CLNK: variants seen among roughly 807,000 people sequenced by gnomAD.
CLNK encodes cytokine-dependent hematopoietic cell linker.
CLNK carries 74 observed loss-of-function variants against 68.6 expected under a neutral mutation model. That is an observed-to-expected ratio of 1.08 (90% CI 0.89 to 1.31). CLNK has a LOEUF of 1.31. Ranked by LOEUF, CLNK falls within the 50% of genes most tolerant of loss-of-function variation. The probability of loss-of-function intolerance (pLI) is 0.00; values close to 1 mark genes in which losing one functional copy is unlikely to be tolerated. For synonymous variants in CLNK, 198 were observed against 172.2 expected (o/e 1.15, Z -1.17); for missense variants, 553 against 515.3 (o/e 1.07, Z -0.71).
rs547775472 is a variant in CLNK at position 10,669,008 on chromosome 4, C to A, written c.-42-1097G>T. Among the ~76,000 whole-genome samples the A allele has an allele frequency of 6.6e-5, 10 of 152,218 alleles. No individual in the cohort carries two copies. The East Asian group carries it at 1.9e-3, about 29-fold the overall frequency. On this transcript the variant is annotated intron_variant, in intron 1 of 18. Transcript: ENST00000226951. ...ACCCAGGAAGATTTAATTATGTGAC[C>A]GAGAACACCCATCCCGCAATAAGAG... is the stretch of plus-strand genomic sequence containing the variant.
chr4:10,668,209 G>C (rs1724483647), intron 1 of CLNK, among the ~76,000 whole-genome samples: 1 of 152,144 alleles, frequency 6.6e-6, no homozygotes, highest in Non-Finnish European at 1.5e-5. Context: ...TGCTTCCCCT[G>C]GGCACCGAGG....
At chr4:10,690,450 T>A in the CLNK span, among the ~76,000 whole-genome samples, 1 of 152,126 alleles carries the variant, frequency 6.6e-6, no homozygotes, top group Non-Finnish European at 1.5e-5. Flanking sequence ...GGTATGTGAA[T>A]GTAGAAAGAG....
At chr4:10,545,428 G>T (rs775364752) in intron 8 of CLNK, among the ~76,000 whole-genome samples, 78 of 152,248 alleles carry the variant, frequency 5.1e-4, no homozygotes, top group African/African-American at 1.4e-3. Context: ...CTGGCATTCT[G>T]TGCACACTGG....
At chr4:10,573,910 A>G (rs1033086441) in intron 4 of CLNK, among the ~76,000 whole-genome samples, 2 of 151,932 alleles carry the variant, frequency 1.3e-5, no homozygotes, top group African/African-American at 4.8e-5. Flanking sequence ...ATCCTTTCAG[A>G]TCCCATTTCT....
rs138052789 is a variant in CLNK, at chr4:10,521,710, A to G, written c.732-879T>C. On this transcript the variant is annotated intron_variant, in intron 14 of 18. Coordinates refer to ENST00000226951, the MANE Select transcript of CLNK (RefSeq NM_052964.4). ...AAGCAGTTCATCCAGCCACCATACT[A>G]TGCTGTCACCGCCAGTCAGACTGCT... 3.3e-3 allele frequency among the ~76,000 whole-genome samples: 503 copies of G among 152,306 alleles called. 3 individuals carry two copies. Among genetic ancestry groups the G allele is most frequent in the African/African-American group, 0.011 (455 of 41,574 alleles).
intron 10 of CLNK, 22 bp downstream of exon 10, chr4:10,542,000 A>AG (rs1719051227): frequency 6.5e-7 from 1 of 1,538,288 alleles, no homozygotes; most frequent in African/African-American, 1.4e-5. Context: ...GCGAAAAAAA[A>AG]TGCTATTTTA....
At chr4:10,666,994 G>A (rs1013113160) in intron 2 of CLNK, among the ~76,000 whole-genome samples, 3 of 152,180 alleles carry the variant, frequency 2.0e-5, no homozygotes, top group African/African-American at 4.8e-5. Flanking sequence ...CTAGCCTCCC[G>A]CTAGGATCAG....
chr4:10,562,415 T>C (rs1379949144), intron 7 of CLNK, among the ~76,000 whole-genome samples: 1 of 152,174 alleles, frequency 6.6e-6, no homozygotes, highest in East Asian at 1.9e-4. Context: ...TTGTTTTTGT[T>C]TTTGTTTTTC....
chr4:10,592,698 T>C (rs138868400), intron 3 of CLNK, among the ~76,000 whole-genome samples: 318 of 151,908 alleles, frequency 2.1e-3, no homozygotes, highest in South Asian at 6.3e-3. Context: ...ACTTGTTGTT[T>C]GTTTGTTTGT....
chr4:10,523,672 G>A (rs112442481), intron 14 of CLNK, among the ~76,000 whole-genome samples: 16 of 152,270 alleles, frequency 1.1e-4, no homozygotes, highest in African/African-American at 3.1e-4. Context: ...GCCAACTGGA[G>A]AGCTTGTTAT....
At chr4:10,624,966 A>G (rs1286984271) in intron 2 of CLNK, among the ~76,000 whole-genome samples, 1 of 152,218 alleles carries the variant, frequency 6.6e-6, no homozygotes, top group Non-Finnish European at 1.5e-5. Flanking sequence ...TTTCAGAGAC[A>G]AGAGTCTGGG....
chr4:10,596,667 T>C (rs1433611981), intron 3 of CLNK, among the ~76,000 whole-genome samples: 1 of 147,638 alleles, frequency 6.8e-6, no homozygotes, highest in Non-Finnish European at 1.5e-5. Flanking sequence ...GAGATTTGTA[T>C]GTCTATGTTT....
chr4:10,688,067 G>A (rs1725332421), upstream of CLNK, among the ~76,000 whole-genome samples: 1 of 152,182 alleles, frequency 6.6e-6, no homozygotes, highest in Admixed American at 6.5e-5. Flanking sequence ...ACTCAGAGGA[G>A]TGGCTATTAG....
At chr4:10,601,819 T>C (rs1477402461) in intron 2 of CLNK, among the ~76,000 whole-genome samples, 1 of 152,198 alleles carries the variant, frequency 6.6e-6, no homozygotes, top group East Asian at 1.9e-4. Flanking sequence ...AAAAGCTTTT[T>C]AAACTGCTGC....
intron 14 of CLNK, among the ~76,000 whole-genome samples, chr4:10,525,590 C>A (rs1421185687): frequency 1.3e-5 from 2 of 152,238 alleles, no homozygotes; most frequent in South Asian, 2.1e-4. Flanking sequence ...TTAATCCTAT[C>A]TGGTTAATAT....
chr4:10,520,329 C>T (rs1577102947), intron 15 of CLNK, among the ~76,000 whole-genome samples: 1 of 152,126 alleles, frequency 6.6e-6, no homozygotes, highest in African/African-American at 2.4e-5. Flanking sequence ...TTTCTTGAGA[C>T]AAATTTGTTT....
chr4:10,715,848 G>C, the CLNK span, among the ~76,000 whole-genome samples: 3 of 152,256 alleles, frequency 2.0e-5, no homozygotes, highest in African/African-American at 4.8e-5. Context: ...AACATTACGG[G>C]CAGGAATTAG....
chr4:10,642,813 C>T (rs1323750482), intron 2 of CLNK, among the ~76,000 whole-genome samples: 1 of 152,128 alleles, frequency 6.6e-6, no homozygotes, highest in Non-Finnish European at 1.5e-5. Context: ...ATTATGTTTG[C>T]CCTAGAATTC....
chr4:10,543,916 T>A (rs1344710308), intron 8 of CLNK, among the ~76,000 whole-genome samples: 1 of 152,194 alleles, frequency 6.6e-6, no homozygotes, highest in African/African-American at 2.4e-5. Flanking sequence ...ACAGCAGCAA[T>A]CTGGTTAACA....
Sources: gnomAD v4.1 joint callset for allele counts (sites outside exome capture counted in the v4.1 genomes callset) on GRCh38, gnomAD v4.1.1 for gene constraint, MANE v1.5 for transcripts, NCBI Gene and HGNC (gene_info 2026-07-23, HGNC 2026-07-21) for gene names.